Variants in ATXN8OS observed in about 807,000 individuals in gnomAD.
ATXN8OS encodes ATXN8 opposite strand (non-protein coding).
intron 1 of ATXN8OS, among the ~76,000 whole-genome samples, chr13:70,109,573 A>T (rs1417233621): frequency 2.0e-5 from 3 of 152,208 alleles, no homozygotes; most frequent in Non-Finnish European, 2.9e-5. Context: ...AGTGCACAAA[A>T]GACCTATTTT....
chr13:70,128,482 A>G (rs1024009409), intron 2 of ATXN8OS, among the ~76,000 whole-genome samples: 1 of 152,126 alleles, frequency 6.6e-6, no homozygotes, highest in African/African-American at 2.4e-5. Context: ...GGTCTTGAAG[A>G]GTAGAAACAC....
intron 3 of ATXN8OS, among the ~76,000 whole-genome samples, chr13:70,147,050 T>C (rs1888796196): frequency 1.3e-5 from 2 of 152,294 alleles, no homozygotes; most frequent in South Asian, 4.1e-4. Flanking sequence ...GGAATGACTG[T>C]GTTGTGTGCC....
At position 70,151,195 on chromosome 13, in the gene ATXN8OS, A is replaced by G. The variant is rs1216037674; in HGVS notation, n.573+3767A>G. 2.0e-5 allele frequency among the ~76,000 whole-genome samples: 3 copies of G among 152,112 alleles called. No homozygotes were observed. In the East Asian group the frequency reaches 5.8e-4, roughly 29 times the overall value. ...ACACTTTTAAATTTTTCAGTGCACA[A>G]TACAGTATTATTAACTTACAGACAC... On this transcript the variant is annotated intron_variant and non_coding_transcript_variant, in intron 4 of 4. Coordinates refer to ENST00000678624, the Ensembl canonical transcript of ATXN8OS.
At chr13:70,161,728 A>G (rs770944622) in intron 4 of ATXN8OS, among the ~76,000 whole-genome samples, 2 of 151,532 alleles carry the variant, frequency 1.3e-5, no homozygotes, top group Non-Finnish European at 2.9e-5. Flanking sequence ...TGAATACCCA[A>G]CATCTTGTAG....
At chr13:70,147,277 A>C (rs1268743138) in intron 3 of ATXN8OS, among the ~76,000 whole-genome samples, 1 of 152,214 alleles carries the variant, frequency 6.6e-6, no homozygotes, top group Non-Finnish European at 1.5e-5. Context: ...TGAATTTATA[A>C]AACCTGCCAA....
At chr13:70,131,100 C>T in intron 3 of ATXN8OS, 1 of 398,518 alleles carries the variant, frequency 2.5e-6, no homozygotes, top group Non-Finnish European at 4.4e-6. Context: ...CTTCCCTGCT[C>T]TTCCCAATAC....
intron 3 of ATXN8OS, among the ~76,000 whole-genome samples, chr13:70,138,159 C>T (rs138280584): frequency 5.9e-5 from 9 of 152,294 alleles, no homozygotes; most frequent in Non-Finnish European, 1.3e-4. Flanking sequence ...CAGACCATAT[C>T]GCTTGCAATG....
At chr13:70,170,778 T>C (rs1999077) in exon 5 of ATXN8OS, among the ~76,000 whole-genome samples, 148,579 of 152,184 alleles carry the variant, frequency 0.98, 72,617 homozygotes, top group Middle Eastern at 1. Context: ...CATTATTAGG[T>C]GATTGTGTCA....
chr13:70,113,513 T>C lies in ATXN8OS; in HGVS notation n.241-1628T>C, dbSNP rs369935424. On this transcript the variant is annotated intron_variant and non_coding_transcript_variant, in intron 1 of 4. Coordinates refer to ENST00000678624, the Ensembl canonical transcript of ATXN8OS. ...ATTATTTTGTATATTGCACTGAAATTTGCCTGTATCACTGTGGGGTAAGGT... is the reference window on the plus strand; with the variant it reads ...ATTATTTTGTATATTGCACTGAAATCTGCCTGTATCACTGTGGGGTAAGGT... 1.1e-4 allele frequency among the ~76,000 whole-genome samples: 16 copies of C among 152,238 alleles called. No individual in the cohort carries two copies. The South Asian group carries it at 3.3e-3, about 32-fold the overall frequency.
intron 4 of ATXN8OS, among the ~76,000 whole-genome samples, chr13:70,148,441 A>T (rs2137497396): frequency 6.6e-6 from 1 of 152,166 alleles, no homozygotes; most frequent in Admixed American, 6.6e-5. Context: ...AGTTTTGTTG[A>T]AACTCCAAAA....
chr13:70,134,237 G>T (rs1044945767), intron 3 of ATXN8OS, among the ~76,000 whole-genome samples: 1 of 152,128 alleles, frequency 6.6e-6, no homozygotes. Flanking sequence ...GACATACTTA[G>T]GATTCAAACA....
intron 2 of ATXN8OS, among the ~76,000 whole-genome samples, chr13:70,117,423 C>T (rs1240576253): frequency 6.6e-6 from 1 of 152,038 alleles, no homozygotes; most frequent in Non-Finnish European, 1.5e-5. Flanking sequence ...GAGGGATAAT[C>T]AAAGCTCTTC....
At chr13:70,111,804 T>C (rs747082008) in intron 1 of ATXN8OS, among the ~76,000 whole-genome samples, 45 of 152,184 alleles carry the variant, frequency 3.0e-4, no homozygotes, top group Non-Finnish European at 5.1e-4. Flanking sequence ...TTCTTCTACA[T>C]GATAATACTC....
intron 2 of ATXN8OS, among the ~76,000 whole-genome samples, chr13:70,122,645 T>C (rs188611860): frequency 4.6e-5 from 7 of 152,162 alleles, no homozygotes; most frequent in Admixed American, 1.3e-4. Flanking sequence ...TTTGTACATT[T>C]TTATGAAACT....
At chr13:70,125,533 G>GAC (rs1391369574) in intron 2 of ATXN8OS, among the ~76,000 whole-genome samples, 1 of 152,086 alleles carries the variant, frequency 6.6e-6, no homozygotes, top group Non-Finnish European at 1.5e-5. Context: ...TGTTCGAATT[G>GAC]ACACTCACAT....
intron 2 of ATXN8OS, among the ~76,000 whole-genome samples, chr13:70,125,207 C>T (rs905834116): frequency 6.6e-6 from 1 of 152,030 alleles, no homozygotes. Context: ...AAACTATATG[C>T]AAAATACAGA....
intron 3 of ATXN8OS, among the ~76,000 whole-genome samples, chr13:70,146,194 C>T (rs1402211032): frequency 1.4e-4 from 21 of 150,112 alleles, no homozygotes; most frequent in African/African-American, 5.2e-4. Context: ...CAGAGAAATG[C>T]AAATCAAAAC....
At chr13:70,135,738 G>T (rs1008449404) in intron 3 of ATXN8OS, among the ~76,000 whole-genome samples, 3 of 152,062 alleles carry the variant, frequency 2.0e-5, no homozygotes, top group Admixed American at 6.6e-5. Context: ...ACACTCATGG[G>T]TGTACCACTA....
chr13:70,149,579 A>G lies in ATXN8OS; in HGVS notation n.573+2151A>G, dbSNP rs113702963. Among the ~76,000 whole-genome samples the G allele has an allele frequency of 7.7e-3, 1,179 of 152,278 alleles. 13 individuals carry two copies. The highest frequency in any genetic ancestry group is 0.027 in the African/African-American group (1,126 of 41,576). ...AAATAGCTATAAAAATGTTGATTTT[A>G]TAATATTGTGTCATAACTATAGACT... On this transcript the variant is annotated intron_variant and non_coding_transcript_variant, in intron 4 of 4. Transcript: ENST00000678624.
Sources: allele counts gnomAD v4.1 joint callset (sites outside exome capture counted in the v4.1 genomes callset), GRCh38; gene constraint gnomAD v4.1.1; transcripts MANE v1.5; gene names NCBI Gene and HGNC (gene_info 2026-07-23, HGNC 2026-07-21).